The following STEAP2 variants were observed in gnomAD, a reference collection of about 807,000 sequenced individuals.
The protein encoded by STEAP2 is metalloreductase STEAP2.
Under a neutral mutation model 46.4 loss-of-function variants are expected in STEAP2, and 30 were observed. That is an observed-to-expected ratio of 0.65 (90% CI 0.48 to 0.88). The LOEUF is 0.88. Among genes scored for constraint, STEAP2 ranks in the 40% least tolerant of loss-of-function variants. The pLI, the probability that STEAP2 is intolerant of heterozygous loss-of-function variation, is 0.00. For synonymous variants in STEAP2, 180 were observed against 200.5 expected, an observed-to-expected ratio of 0.90 and a Z score of 0.86; for missense variants, 513 against 579.3, an observed-to-expected ratio of 0.89 and a Z score of 1.18.
chr7:90,230,127 G>A (rs1795678083), intron 5 of STEAP2, 91 bp downstream of exon 5: 1 of 1,541,116 alleles, frequency 6.5e-7, no homozygotes, highest in African/African-American at 1.4e-5. Context: ...TTATTAAAAG[G>A]GTGCCTTTGA....
chr7:90,236,932 G>A lies in STEAP2; in HGVS notation c.*4308G>A, dbSNP rs2116414301. The A allele has an allele frequency of 6.2e-7, 1 of 1,614,108 alleles. No individual in the cohort carries two copies. The highest frequency in any genetic ancestry group is 8.5e-7 in the Non-Finnish European group (1 of 1,179,998). ...CAGATACCCAGACTGAGCTGGAACT[G>A]GAATTTGTCTTCCTATTGACTCTAC... On this transcript the variant is annotated 3_prime_UTR_variant, in exon 6 of 6. Transcript: ENST00000394621.
rs17869231 is a variant in STEAP2, at chr7:90,234,907, C to T, written c.*2283C>T. The T allele has an allele frequency of 2.0e-6, 2 of 984,942 alleles. No individual in the cohort carries two copies. Among genetic ancestry groups the T allele is most frequent in the Non-Finnish European group, 2.4e-6 (2 of 829,712 alleles). The allele number at this position is 984,942 out of a possible 1,614,324, so 61.0% of individuals were successfully genotyped here. ...TATTTTCTTTATTTTAATAATATTT[C>T]TCCCCACTTGAGAATCACTTGTTAG... On this transcript the variant is annotated 3_prime_UTR_variant, in exon 6 of 6. Coordinates refer to ENST00000394621, the MANE Select transcript of STEAP2 (RefSeq NM_001244944.2).
intron 5 of STEAP2, among the ~76,000 whole-genome samples, chr7:90,230,491 C>T (rs1215035166): frequency 1.3e-5 from 2 of 151,770 alleles, no homozygotes; most frequent in Admixed American, 6.6e-5. Context: ...TGTATATATA[C>T]ACACACATAC....
At chr7:90,242,030 C>A (rs1796069294), downstream of STEAP2, among the ~76,000 whole-genome samples, 1 of 152,046 alleles carries the variant, frequency 6.6e-6, no homozygotes. Context: ...TTGAAGACTC[C>A]TCTACCCTTG....
intron 2 of STEAP2, among the ~76,000 whole-genome samples, chr7:90,223,588 C>T (rs1795351170): frequency 6.6e-6 from 1 of 152,200 alleles, no homozygotes; most frequent in African/African-American, 2.4e-5. Flanking sequence ...TATATGCTTG[C>T]GCTCTGAACT....
intron 5 of STEAP2, among the ~76,000 whole-genome samples, chr7:90,230,720 A>G (rs1048437995): frequency 1.3e-5 from 2 of 151,988 alleles, no homozygotes; most frequent in Non-Finnish European, 2.9e-5. Flanking sequence ...TAACTGAAAC[A>G]TAGACCCTTC....
Position 90,227,187 on chromosome 7 carries a change from C to T in STEAP2, c.709C>T (p.His237Tyr). 6.2e-7 allele frequency: 1 copy of T among 1,613,572 alleles called. No individual in the cohort carries two copies. Among genetic ancestry groups the T allele is most frequent in the South Asian group, 1.1e-5 (1 of 91,022 alleles). Reference sequence around the variant, plus strand: ...TTATTCCTTTGTCAGAGATGTGATTCATCCATATGCTAGAAACCAACAGAG... The same window carrying T: ...TTATTCCTTTGTCAGAGATGTGATTTATCCATATGCTAGAAACCAACAGAG... ...FLYSFVRDVI[H>Y]PYARNQQSDF... is the part of the protein sequence containing the mutation. Residue 237 changes from histidine (H) to tyrosine (Y), a missense_variant, in exon 4 of 6, where the codon CAT becomes TAT. Transcript: ENST00000394621.
At position 90,226,978 on chromosome 7, in the gene STEAP2, T is replaced by C; in HGVS notation, c.500T>C (p.Ile167Thr). ...TTTTTGTTTTTTCCACAGGTTTATA[T>C]ATGCAGCAACAATATTCAAGCGCGA... The part of the protein sequence containing the change: ...GPKDASRQVY[I>T]CSNNIQARQQ... Residue 167 changes from isoleucine (I) to threonine (T), a missense_variant, in exon 4 of 6, where the codon ATA (isoleucine) becomes ACA (threonine). By Grantham distance (89) the Ile-to-Thr change is moderately conservative. Coordinates refer to ENST00000394621, the MANE Select transcript of STEAP2 (RefSeq NM_001244944.2). 1.3e-6 allele frequency: 2 copies of C among 1,584,958 alleles called. No individual in the cohort carries two copies. The highest frequency in any genetic ancestry group is 1.7e-6 in the Non-Finnish European group (2 of 1,169,236).
chr7:90,239,780 G>A (rs17866065), downstream of STEAP2, among the ~76,000 whole-genome samples: 817 of 152,132 alleles, frequency 5.4e-3, 7 homozygotes, highest in African/African-American at 0.018. Context: ...AAAATCACTT[G>A]CAGTTTGGGT....
At position 90,229,942 on chromosome 7, in the gene STEAP2, G is replaced by A; in HGVS notation, c.1091G>A (p.Gly364Asp). The change falls in exon 5 of 6, where the codon GGC becomes GAC. Residue 364 changes from glycine to aspartate, a missense_variant. By Grantham distance (94) the Gly-to-Asp change is moderately conservative (BLOSUM62 -1). Transcript: ENST00000394621. ...VWRIEMYISF[G>D]IMSLGLLSLL... ...AGAATTGAAATGTATATCTCCTTTG[G>A]CATAATGAGCCTTGGCTTACTTTCC... is the stretch of plus-strand genomic sequence containing the variant. The A allele has an allele frequency of 6.2e-7, 1 of 1,613,516 alleles. No individual in the cohort carries two copies. The highest frequency in any genetic ancestry group is 1.1e-5 in the South Asian group (1 of 91,052).
At chr7:90,223,790 A>G (rs894499225) in intron 2 of STEAP2, among the ~76,000 whole-genome samples, 2 of 152,206 alleles carry the variant, frequency 1.3e-5, no homozygotes, top group South Asian at 2.1e-4. Flanking sequence ...ATAGAAGTCC[A>G]TGGTATTTAC....
intron 2 of STEAP2, among the ~76,000 whole-genome samples, chr7:90,219,759 G>T (rs776753922): frequency 3.2e-4 from 49 of 152,142 alleles, no homozygotes; most frequent in Admixed American, 2.3e-3. Flanking sequence ...ACAGGGTCTT[G>T]CTCTGTTGCC....
At position 90,225,418 on chromosome 7, in the gene STEAP2, C is replaced by T. The variant is rs773382668; in HGVS notation, c.336C>T (p.Ile112=). The change falls in exon 3 of 6, where the codon ATC becomes ATT. Residue 112 remains isoleucine, a synonymous_variant. Transcript: ENST00000394621. ...WDLRHLLVGK[I]LIDVSNNMRI... ...TGAGACATCTGCTTGTGGGTAAAAT[C>T]CTGATTGATGTGAGCAATAACATGA... The T allele has an allele frequency of 2.5e-6, 4 of 1,613,756 alleles. No individual in the cohort carries two copies. The Admixed American group carries it at 6.7e-5, about 27-fold the overall frequency.
chr7:90,225,156 T>C lies in STEAP2; in HGVS notation c.74T>C (p.Ile25Thr). 1 of 1,613,966 alleles carries C rather than the reference T, an allele frequency of 6.2e-7. No individual in the cohort carries two copies. Among genetic ancestry groups the C allele is most frequent in the Non-Finnish European group, 8.5e-7 (1 of 1,179,938 alleles). The change falls in exon 3 of 6, where the codon ATC becomes ACC. Residue 25 changes from isoleucine to threonine, a missense_variant. Ile to Thr is a moderately conservative substitution (Grantham distance 89, BLOSUM62 -1). Transcript: ENST00000394621. Reference sequence around the variant, plus strand: ...TTTTTACCTAATGGCATAAATGGTATCAAAGATGCAAGGAAGGTCACTGTA... The same window carrying C: ...TTTTTACCTAATGGCATAAATGGTACCAAAGATGCAAGGAAGGTCACTGTA... ...ETFLPNGING[I>T]KDARKVTVGV... is the part of the protein sequence containing the mutation.
In STEAP2 at chr7:90,236,424, C is replaced by T; in HGVS notation, c.*3800C>T. The stretch of plus-strand genomic sequence containing the variant: ...CAAGATACATACATAGTATAACACA[C>T]CTCACAGTGTTAAGATTTATATTGT... On this transcript the variant is annotated 3_prime_UTR_variant, in exon 6 of 6. Coordinates refer to ENST00000394621, the MANE Select transcript of STEAP2 (RefSeq NM_001244944.2). The T allele has an allele frequency of 3.0e-6, 3 of 989,312 alleles. No individual in the cohort carries two copies. The highest frequency in any genetic ancestry group is 3.6e-6 in the Non-Finnish European group (3 of 832,544). 61.3% of individuals were successfully genotyped at this position (989,312 alleles called of 1,614,324 possible).
downstream of STEAP2, chr7:90,238,037 C>T (rs17863963): frequency 1.6e-4 from 112 of 716,260 alleles, no homozygotes; most frequent in Non-Finnish European, 2.4e-4. Flanking sequence ...TTTATCATCC[C>T]GCATCCATGC....
At chr7:90,230,993 A>C (rs1795717683) in intron 5 of STEAP2, among the ~76,000 whole-genome samples, 1 of 151,974 alleles carries the variant, frequency 6.6e-6, no homozygotes, top group Admixed American at 6.6e-5. Flanking sequence ...AAGGTTCTAG[A>C]CAGATGCAAA....
intron 5 of STEAP2, among the ~76,000 whole-genome samples, chr7:90,231,394 T>C (rs571071004): frequency 1.3e-5 from 2 of 152,062 alleles, no homozygotes; most frequent in East Asian, 3.9e-4. Flanking sequence ...AATTTTATCA[T>C]ATGTCTGTTT....
intron 5 of STEAP2, among the ~76,000 whole-genome samples, chr7:90,231,134 A>G (rs1368976140): frequency 6.6e-6 from 1 of 151,892 alleles, no homozygotes; most frequent in Non-Finnish European, 1.5e-5. Flanking sequence ...CTATTCTTCA[A>G]AGTAAGCACT....
Sources: gnomAD v4.1 joint callset for allele counts (sites outside exome capture counted in the v4.1 genomes callset) on GRCh38, gnomAD v4.1.1 for gene constraint, MANE v1.5 for transcripts, NCBI Gene and HGNC (gene_info 2026-07-23, HGNC 2026-07-21) for gene names.